The following NEDD4L variants were observed in gnomAD, a reference collection of about 807,000 sequenced individuals.
The protein encoded by NEDD4L is E3 ubiquitin-protein ligase NEDD4-like.
NEDD4L carries 54 observed loss-of-function variants against 148.9 expected under a neutral mutation model. The ratio of observed to expected loss-of-function variants is 0.36; its 90% confidence interval spans 0.29 to 0.45. The LOEUF (loss-of-function observed/expected upper bound fraction) is 0.45. NEDD4L is among the 20% of genes least tolerant of loss of function. NEDD4L has a pLI of 1.00. For synonymous variants in NEDD4L, 433 were observed against 440.7 expected (o/e 0.98, Z 0.22); for missense variants, 856 against 1,233.8 (o/e 0.69, Z 4.59).
intron 1 of NEDD4L, among the ~76,000 whole-genome samples, chr18:58,084,965 G>A (rs1011104594): frequency 2.6e-5 from 4 of 151,868 alleles, no homozygotes; most frequent in African/African-American, 9.7e-5. Context: ...AACATGCTAG[G>A]ATTGCAGGTG....
intron 1 of NEDD4L, among the ~76,000 whole-genome samples, chr18:58,124,108 G>A (rs973150524): frequency 3.9e-5 from 6 of 152,002 alleles, no homozygotes; most frequent in African/African-American, 1.2e-4. Context: ...CCTCTCCAGC[G>A]CCTGCCTTCC....
At chr18:58,119,409 C>T (rs571843) in intron 1 of NEDD4L, among the ~76,000 whole-genome samples, 109,888 of 152,032 alleles carry the variant, frequency 0.72, 39,792 homozygotes, top group Admixed American at 0.77. Context: ...TCTGGGCCTC[C>T]CTGGAGTCTC....
chr18:58,183,130 A>G (rs2039041078), intron 2 of NEDD4L, among the ~76,000 whole-genome samples: 1 of 152,218 alleles, frequency 6.6e-6, no homozygotes. Context: ...GCAGTCACTG[A>G]AGAAATGAGG....
chr18:58,102,191 T>C (rs977572503), intron 1 of NEDD4L, among the ~76,000 whole-genome samples: 1 of 152,306 alleles, frequency 6.6e-6, no homozygotes, highest in Non-Finnish European at 1.5e-5. Flanking sequence ...CTGCCTGCAT[T>C]TGAATACATT....
intron 1 of NEDD4L, among the ~76,000 whole-genome samples, chr18:58,102,454 G>A (rs900453364): frequency 6.6e-6 from 1 of 152,126 alleles, no homozygotes; most frequent in Non-Finnish European, 1.5e-5. Context: ...CAATAAGTAT[G>A]ATAACACTTT....
chr18:58,054,018 C>T (rs28549042), intron 1 of NEDD4L, among the ~76,000 whole-genome samples: 38,551 of 152,106 alleles, frequency 0.25, 5,950 homozygotes, highest in African/African-American at 0.44. Flanking sequence ...GAGATGAAGA[C>T]CCTTTCTATT....
At chr18:58,363,763 A>G (rs933021357) in intron 19 of NEDD4L, among the ~76,000 whole-genome samples, 2 of 152,218 alleles carry the variant, frequency 1.3e-5, no homozygotes, top group Non-Finnish European at 2.9e-5. Context: ...TGAGAATGCC[A>G]TCTGCCTGAT....
chr18:58,182,232 C>T (rs2038937432), intron 2 of NEDD4L, among the ~76,000 whole-genome samples: 1 of 151,984 alleles, frequency 6.6e-6, no homozygotes, highest in African/African-American at 2.4e-5. Flanking sequence ...AAAACACCCA[C>T]AGAGGAAAAT....
chr18:58,185,349 C>T (rs1407989147), intron 2 of NEDD4L, among the ~76,000 whole-genome samples: 1 of 152,182 alleles, frequency 6.6e-6, no homozygotes, highest in Non-Finnish European at 1.5e-5. Flanking sequence ...CCGGTGTCCA[C>T]ACGTCTTTAA....
chr18:58,331,038 T>TA, intron 11 of NEDD4L, 124 bp downstream of exon 11: 2 of 885,606 alleles, frequency 2.3e-6, no homozygotes, highest in Non-Finnish European at 3.4e-6. Flanking sequence ...CTCTGACATT[T>TA]TCCAAAGTTC....
chr18:58,221,488 C>T, intron 2 of NEDD4L: 1 of 950,244 alleles, frequency 1.1e-6, no homozygotes, highest in Non-Finnish European at 1.3e-6. Flanking sequence ...ACGCAACCCC[C>T]TTTTCCACCA....
intron 1 of NEDD4L, among the ~76,000 whole-genome samples, chr18:58,127,749 G>C (rs188158068): frequency 3.3e-4 from 49 of 148,576 alleles, no homozygotes; most frequent in African/African-American, 8.4e-4. Flanking sequence ...GCTGAGGCAG[G>C]AGAATGGTGT....
intron 5 of NEDD4L, chr18:58,255,977 G>A: frequency 4.1e-6 from 5 of 1,230,836 alleles, no homozygotes; most frequent in Non-Finnish European, 5.1e-6. Flanking sequence ...GCCCGAGGGC[G>A]CCGACGATGG....
chr18:58,352,672 A>C (rs543777319), intron 18 of NEDD4L, among the ~76,000 whole-genome samples: 1 of 152,206 alleles, frequency 6.6e-6, no homozygotes, highest in East Asian at 1.9e-4. Flanking sequence ...AAAAGAAAAA[A>C]GTTTCCTTTA....
chr18:58,159,671 A>AT (rs1208513366), intron 1 of NEDD4L, among the ~76,000 whole-genome samples: 1 of 152,220 alleles, frequency 6.6e-6, no homozygotes, highest in Non-Finnish European at 1.5e-5. Flanking sequence ...CATGGTCCAT[A>AT]TGCTGGCTTA....
chr18:58,237,714 CTGA>C (rs1471210591), intron 2 of NEDD4L, among the ~76,000 whole-genome samples: 2 of 152,172 alleles, frequency 1.3e-5, no homozygotes, highest in Non-Finnish European at 2.9e-5. Context: ...GTACACAGCT[CTGA>C]TGATCTCTAT....
At chr18:58,349,171 G>A (rs772431907) in intron 16 of NEDD4L, among the ~76,000 whole-genome samples, 1 of 152,064 alleles carries the variant, frequency 6.6e-6, no homozygotes, top group Non-Finnish European at 1.5e-5. Context: ...GAGAGATTTC[G>A]AAACCGTTGT....
chr18:58,258,306 C>G (rs1275314152), intron 5 of NEDD4L, among the ~76,000 whole-genome samples: 2 of 152,146 alleles, frequency 1.3e-5, no homozygotes, highest in Non-Finnish European at 2.9e-5. Flanking sequence ...AGGCTTTGTT[C>G]GGCAACACAA....
At chr18:58,157,655 G>C (rs570001607) in intron 1 of NEDD4L, among the ~76,000 whole-genome samples, 1 of 151,996 alleles carries the variant, frequency 6.6e-6, no homozygotes, top group Admixed American at 6.6e-5. Context: ...ATGGTATCAG[G>C]TTCCATATTT....
Sources: gnomAD v4.1 joint callset for allele counts (sites outside exome capture counted in the v4.1 genomes callset) on GRCh38, gnomAD v4.1.1 for gene constraint, MANE v1.5 for transcripts, NCBI Gene and HGNC (gene_info 2026-07-23, HGNC 2026-07-21) for gene names.